The following ADCY3 variants were observed in gnomAD, a reference collection of about 807,000 sequenced individuals.
ADCY3 encodes adenylate cyclase 3.
In ADCY3, 70 loss-of-function variants were observed where a neutral mutation model predicts 119.4. The observed-to-expected ratio is 0.59, with a 90% CI of 0.48 to 0.72. The LOEUF (loss-of-function observed/expected upper bound fraction) is 0.72. ADCY3 is among the 30% of genes least tolerant of loss of function. The pLI, the probability that ADCY3 is intolerant of heterozygous loss-of-function variation, is 0.00. For synonymous variants in ADCY3, 672 were observed against 621.4 expected (o/e 1.08, Z -1.21); for missense variants, 1,238 against 1,541.6 (o/e 0.80, Z 3.30).
chr2:24,897,737 T>C (rs2148970694), intron 2 of ADCY3, among the ~76,000 whole-genome samples: 1 of 152,284 alleles, frequency 6.6e-6, no homozygotes, highest in Admixed American at 6.5e-5. Flanking sequence ...CAACCCAGAC[T>C]TTTCCATTTT....
At chr2:24,881,505 C>G (rs1211214279) in intron 2 of ADCY3, among the ~76,000 whole-genome samples, 1 of 152,220 alleles carries the variant, frequency 6.6e-6, no homozygotes, top group African/African-American at 2.4e-5. Context: ...AGGAGACCCC[C>G]CTACAGCATG....
In ADCY3 at chr2:24,918,389, A is replaced by G; in HGVS notation, c.599T>C (p.Val200Ala). 1 of 1,613,380 alleles carries G rather than the reference A, an allele frequency of 6.2e-7. No homozygotes were observed. Among genetic ancestry groups the G allele is most frequent in the Non-Finnish European group, 8.5e-7 (1 of 1,179,774 alleles). The change falls in exon 2 of 22, where the codon GTG (valine) becomes GCG (alanine). Residue 200 changes from valine to alanine, a missense_variant. Physicochemically the swap from Val to Ala is moderately conservative, Grantham distance 64. Around this residue, in one of 7 missense-constraint regions of ADCY3, gnomAD observed 283 missense variants for 437.2 expected, o/e 0.65. Transcript: ENST00000679454. This position sits in a 1 kb window ranked among gnomAD's most constrained non-coding sequence, Gnocchi z 5.4. ...IVIISVVSCV[V>A]HTLVLGVTVA... ...GGTGACCCCCAGGACCAACGTGTGC[A>G]CCACACAGGAGACCACGGAGATGAT...
chr2:24,848,168 C>A (rs1671871771), intron 3 of ADCY3, among the ~76,000 whole-genome samples: 2 of 152,242 alleles, frequency 1.3e-5, no homozygotes, highest in South Asian at 4.1e-4. Flanking sequence ...AACGCCCATG[C>A]TGGAAGGTTG....
In ADCY3 at chr2:24,839,974, G is replaced by A. The variant is rs1398948375; in HGVS notation, c.1254C>T (p.Gly418=). The change falls in exon 7 of 22, where the codon GGC becomes GGT. Residue 418 remains glycine (G), a synonymous_variant. Transcript: ENST00000679454. Reference sequence around the variant, plus strand: ...GGCCCAGGACGCCCCCCAGCACGGTGCCCGTGTGCACCCCCACACGCATGT... The same window carrying A: ...GGCCCAGGACGCCCCCCAGCACGGTACCCGTGTGCACCCCCACACGCATGT... ...GVDMRVGVHT[G]TVLGGVLGQK... is the part of the protein sequence containing the mutation. 2.5e-6 allele frequency: 4 copies of A among 1,613,734 alleles called. No homozygotes were observed. Among genetic ancestry groups the A allele is most frequent in the Non-Finnish European group, 3.4e-6 (4 of 1,180,032 alleles).
At chr2:24,895,715 C>T (rs780501198) in intron 2 of ADCY3, among the ~76,000 whole-genome samples, 10 of 151,698 alleles carry the variant, frequency 6.6e-5, no homozygotes, top group Admixed American at 2.0e-4. Context: ...CAACCTATGC[C>T]GTTGAGCTCA....
intron 2 of ADCY3, among the ~76,000 whole-genome samples, chr2:24,874,756 C>G (rs182833278): frequency 6.6e-6 from 1 of 152,298 alleles, no homozygotes; most frequent in East Asian, 1.9e-4. Flanking sequence ...GGAAAATTGC[C>G]CAGCCGGTGA....
At chr2:24,853,792 C>G (rs185452163) in intron 3 of ADCY3, among the ~76,000 whole-genome samples, 82 of 152,248 alleles carry the variant, frequency 5.4e-4, no homozygotes, top group African/African-American at 1.9e-3. Context: ...GGCCAGTGAG[C>G]CTTATCTCTT....
At chr2:24,905,518 A>G (rs1410356478) in intron 2 of ADCY3, among the ~76,000 whole-genome samples, 2 of 152,184 alleles carry the variant, frequency 1.3e-5, no homozygotes, top group African/African-American at 4.8e-5. Context: ...CCGACACCCC[A>G]GTCAGGGGTT....
intron 2 of ADCY3, among the ~76,000 whole-genome samples, chr2:24,891,051 G>A (rs989604882): frequency 7.9e-5 from 12 of 151,924 alleles, no homozygotes; most frequent in African/African-American, 2.9e-4. Flanking sequence ...TCATATTTTA[G>A]TAGAGATGGG....
At position 24,900,137 on chromosome 2, in the gene ADCY3, GTC is replaced by G. The variant is rs776092806; in HGVS notation, c.675+18174_675+18175del. On this transcript the variant is annotated intron_variant, in intron 2 of 21. Coordinates refer to ENST00000679454, the MANE Select transcript of ADCY3 (RefSeq NM_004036.5). ...TTTTTTTTTTTCTTTTTGAGACAGA[GTC>G]TTGCTCTGTCACCCAGGCTGGAGTG... 3.0e-4 allele frequency among the ~76,000 whole-genome samples: 45 copies of G among 147,616 alleles called. 1 individual carries two copies. Among genetic ancestry groups the G allele is most frequent in the Admixed American group, 4.7e-4 (7 of 14,874 alleles).
At chr2:24,870,300 G>A (rs1229025571) in intron 3 of ADCY3, among the ~76,000 whole-genome samples, 1 of 130,042 alleles carries the variant, frequency 7.7e-6, no homozygotes, top group Non-Finnish European at 1.6e-5. Flanking sequence ...TAGCCTGGGT[G>A]ACAAGACCAA....
chr2:24,914,014 C>T (rs1194160079), intron 2 of ADCY3, among the ~76,000 whole-genome samples: 1 of 151,926 alleles, frequency 6.6e-6, no homozygotes, highest in Non-Finnish European at 1.5e-5. Flanking sequence ...ACTCATTGGC[C>T]GCTGGTCCTG....
At chr2:24,873,612 C>T (rs1049170574) in intron 2 of ADCY3, among the ~76,000 whole-genome samples, 2 of 152,246 alleles carry the variant, frequency 1.3e-5, no homozygotes, top group African/African-American at 2.4e-5. Context: ...CCCTGCCTGG[C>T]GGCCAGGCCT....
intron 2 of ADCY3, among the ~76,000 whole-genome samples, chr2:24,893,190 C>A (rs909078039): frequency 6.6e-6 from 1 of 152,018 alleles, no homozygotes; most frequent in African/African-American, 2.4e-5. Flanking sequence ...CATACCATCA[C>A]CCCCAGCTAA....
chr2:24,849,336 G>A (rs886165399), intron 3 of ADCY3, among the ~76,000 whole-genome samples: 15 of 152,130 alleles, frequency 9.9e-5, no homozygotes, highest in Admixed American at 4.6e-4. Context: ...CTGGGGTCTC[G>A]GAGACTGTCT....
intron 17 of ADCY3, 60 bp from the exon 18 acceptor site, chr2:24,823,415 G>GAGA: frequency 1.9e-6 from 3 of 1,570,530 alleles, no homozygotes; most frequent in Non-Finnish European, 2.6e-6. Flanking sequence ...TGATGTGTTG[G>GAGA]AGAAATGCAT....
At chr2:24,909,841 T>G (rs139633187) in intron 2 of ADCY3, among the ~76,000 whole-genome samples, 1 of 152,298 alleles carries the variant, frequency 6.6e-6, no homozygotes, top group East Asian at 1.9e-4. Flanking sequence ...CACACGCTAC[T>G]CAAACATCAA....
rs139872719 is a variant in ADCY3, at chr2:24,893,934, C to A, written c.676-21215G>T. 1.2e-3 allele frequency among the ~76,000 whole-genome samples: 176 copies of A among 152,298 alleles called. 1 individual carries two copies. Among genetic ancestry groups the A allele is most frequent in the African/African-American group, 3.9e-3 (163 of 41,574 alleles). ...TTAAACTGAATATTTATATCACTTA[C>A]ATTTAATATTATCAATATGGCTATA... On this transcript the variant is annotated intron_variant, in intron 2 of 21. Coordinates refer to ENST00000679454, the MANE Select transcript of ADCY3 (RefSeq NM_004036.5).
chr2:24,911,652 A>G (rs1004274988), intron 2 of ADCY3, among the ~76,000 whole-genome samples: 1 of 96,920 alleles, frequency 1.0e-5, no homozygotes. Context: ...AAAAAAAAAA[A>G]AAAAAACACA....
Sources: allele counts gnomAD v4.1 joint callset (sites outside exome capture counted in the v4.1 genomes callset), GRCh38; gene constraint gnomAD v4.1.1; regional missense constraint gnomAD v4.1.1; non-coding constraint Gnocchi (gnomAD v3.1); transcripts MANE v1.5; gene names NCBI Gene and HGNC (gene_info 2026-07-23, HGNC 2026-07-21).